The following SETD1A variants were observed in gnomAD, a reference collection of about 807,000 sequenced individuals.
The protein encoded by SETD1A is histone-lysine N-methyltransferase SETD1A.
Under a neutral mutation model 149.9 loss-of-function variants are expected in SETD1A, and 29 were observed. That is an observed-to-expected ratio of 0.19 (90% CI 0.14 to 0.26). The LOEUF is 0.26. SETD1A is among the 10% of genes least tolerant of loss of function. The pLI is 1.00. For missense variants in SETD1A, 2,109 were observed against 2,353.1 expected, an observed-to-expected ratio of 0.90 and a Z score of 2.15; for synonymous variants, 1,141 against 968.5, an observed-to-expected ratio of 1.18 and a Z score of -3.31.
rs766517510 is a variant in SETD1A at position 30,983,776 on chromosome 16, C to T, written c.4950+4C>T. Reference sequence around the variant, plus strand: ...ATTCATCAACCACTGCTGCACGGTGCGCCAGGGGCCAGCCGGGGCAGGAGT... The same window carrying T: ...ATTCATCAACCACTGCTGCACGGTGTGCCAGGGGCCAGCCGGGGCAGGAGT... On this transcript the variant is annotated splice_donor_region_variant and intron_variant, in intron 18 of 18. Coordinates refer to ENST00000262519, the MANE Select transcript of SETD1A (RefSeq NM_014712.3). This position sits in a 1 kb window ranked among gnomAD's most constrained non-coding sequence, Gnocchi z 6.8. The T allele has an allele frequency of 1.4e-5, 22 of 1,613,554 alleles. No individual in the cohort carries two copies. Among genetic ancestry groups the T allele is most frequent in the East Asian group, 1.3e-4 (6 of 44,896 alleles).
intron 16 of SETD1A, 56 bp from the exon 17 acceptor site, chr16:30,981,005 T>C: frequency 1.2e-6 from 2 of 1,606,092 alleles, no homozygotes; most frequent in Non-Finnish European, 1.7e-6. Context: ...GTGGGAAGAG[T>C]GAGGGTCTGG....
rs538172727 is a variant in SETD1A at position 30,981,435 on chromosome 16, T to G, written c.4812+255T>G. The stretch of plus-strand genomic sequence containing the variant: ...CTGTTGCCAGGCTGTAGTGCAGTGG[T>G]GCGATCTTGGCACACTGCAACCTCT... On this transcript the variant is annotated intron_variant, in intron 17 of 18. Transcript: ENST00000262519. 3.3e-5 allele frequency among the ~76,000 whole-genome samples: 5 copies of G among 152,238 alleles called. No individual in the cohort carries two copies. In the South Asian group the frequency reaches 1.0e-3, roughly 32 times the overall value.
chr16:30,974,336 C>T (rs528334275), intron 13 of SETD1A, among the ~76,000 whole-genome samples: 1 of 151,992 alleles, frequency 6.6e-6, no homozygotes, highest in Non-Finnish European at 1.5e-5. Flanking sequence ...GATATGAGGT[C>T]GGTGCTTAGG....
chr16:30,975,135 A>C (rs1250214201), intron 13 of SETD1A, among the ~76,000 whole-genome samples: 1 of 151,046 alleles, frequency 6.6e-6, no homozygotes, highest in Non-Finnish European at 1.5e-5. Context: ...TGACAGAGCG[A>C]GACTGTCTCC....
chr16:30,960,986 G>A lies in SETD1A; in HGVS notation c.247-281G>A, dbSNP rs1596670318. Among the ~76,000 whole-genome samples, 3 of 151,690 alleles carry A rather than the reference G, an allele frequency of 2.0e-5. 1 individual carries two copies. Among genetic ancestry groups the A allele is most frequent in the Admixed American group, 2.0e-4 (3 of 15,220 alleles). On this transcript the variant is annotated intron_variant, in intron 3 of 18. Transcript: ENST00000262519. ...TTGAACTCCTGACTTCTGGTGATCC[G>A]TCCACCTCATCCTCCCAAAGTGTTG...
rs771732511 is a variant in SETD1A, at chr16:30,983,721, C to T, written c.4899C>T (p.Ile1633=). 7 of 1,614,132 alleles carry T rather than the reference C, an allele frequency of 4.3e-6. No individual in the cohort carries two copies. Among genetic ancestry groups the T allele is most frequent in the East Asian group, 4.5e-5 (2 of 44,878 alleles). Residue 1633 remains isoleucine (I), a synonymous_variant, in exon 18 of 19, where the codon ATC becomes ATT. Transcript: ENST00000262519. This position sits in a 1 kb window ranked among gnomAD's most constrained non-coding sequence, Gnocchi z 6.8. ...TCCGGGTGGACCACGACACCATCAT[C>T]GATGCCACCAAGTGTGGCAACCTGG... ...YLFRVDHDTI[I]DATKCGNLAR... is the part of the protein sequence containing the mutation.
intron 10 of SETD1A, 139 bp from the exon 11 acceptor site, chr16:30,969,166 T>C: frequency 1.2e-6 from 1 of 864,078 alleles, no homozygotes; most frequent in South Asian, 1.8e-5. Flanking sequence ...TTTGAGTTCC[T>C]CTGGTGAGCT....
chr16:30,981,221 A>G (rs1015103090), intron 17 of SETD1A, 41 bp downstream of exon 17: 15 of 1,610,840 alleles, frequency 9.3e-6, no homozygotes, highest in Admixed American at 1.7e-5. Flanking sequence ...TTCTGATGCA[A>G]CAAGACAGCA....
rs537717123 is a variant in SETD1A at position 30,966,129 on chromosome 16, C to G, written c.2248C>G (p.Leu750Val). 19 of 1,602,916 alleles carry G rather than the reference C, an allele frequency of 1.2e-5. No individual in the cohort carries two copies. The Admixed American group carries it at 1.5e-4, about 13-fold the overall frequency. The stretch of plus-strand genomic sequence containing the variant: ...GGCATACTCACGGGAGGCCTACCAC[C>G]TGCCCATGCCAATGGCAGCCGAGCC... ...RGAYSREAYHLPMPMAAEPLP... is the reference protein window; with the variant it reads ...RGAYSREAYHVPMPMAAEPLP... Residue 750 changes from leucine to valine, a missense_variant, in exon 8 of 19, where the codon CTG (leucine) becomes GTG (valine). By Grantham distance (32) the Leu-to-Val change is conservative. Transcript: ENST00000262519.
At position 30,980,514 on chromosome 16, in the gene SETD1A, C is replaced by A; in HGVS notation, c.4438C>A (p.Arg1480=). ...ITNLTTPKRK[R]RPQDGPREHQ... ...CAACCTGACCACCCCAAAACGCAAG[C>A]GGCGGCCCCAGGATGGGCCCCGGGA... The change falls in exon 15 of 19, where the codon CGG becomes AGG. Residue 1480 remains arginine (R), a synonymous_variant. Transcript: ENST00000262519. The surrounding 1 kb of genome is among the most constrained non-coding windows in gnomAD (Gnocchi z 7.7). The A allele has an allele frequency of 6.2e-7, 1 of 1,613,970 alleles. No individual in the cohort carries two copies. Among genetic ancestry groups the A allele is most frequent in the Non-Finnish European group, 8.5e-7 (1 of 1,179,934 alleles).
At position 30,967,017 on chromosome 16, in the gene SETD1A, T is replaced by A. The variant is rs1356666350; in HGVS notation, c.2639T>A (p.Phe880Tyr). ...ACTACGGGCATCGAGGCTTTCGCCT[T>A]TGGGTCAGGGCTGAGAGGGGCCCTG... ...GGTTGIEAFA[F>Y]GSGLRGALRL... is the part of the protein sequence containing the mutation. The change falls in exon 9 of 19, where the codon TTT becomes TAT. Residue 880 changes from phenylalanine to tyrosine, a missense_variant. Transcript: ENST00000262519. 1 of 1,600,922 alleles carries A rather than the reference T, an allele frequency of 6.2e-7. No homozygotes were observed. The highest frequency in any genetic ancestry group is 1.3e-5 in the African/African-American group (1 of 74,918).
intron 3 of SETD1A, among the ~76,000 whole-genome samples, chr16:30,960,213 C>T (rs1385840113): frequency 2.0e-5 from 3 of 152,168 alleles, no homozygotes; most frequent in Non-Finnish European, 2.9e-5. Flanking sequence ...GTCTCTTTGG[C>T]TTCACTACGC....
At chr16:30,970,602 C>CT (rs2056212880) in intron 12 of SETD1A, among the ~76,000 whole-genome samples, 1 of 152,122 alleles carries the variant, frequency 6.6e-6, no homozygotes, top group Admixed American at 6.6e-5. Flanking sequence ...CCCTGTCTCT[C>CT]TTTCTGTCCT....
At chr16:30,968,145 C>T (rs767486644) in intron 10 of SETD1A, among the ~76,000 whole-genome samples, 2 of 152,198 alleles carry the variant, frequency 1.3e-5, no homozygotes, top group Non-Finnish European at 2.9e-5. Flanking sequence ...TGGCTCCTGA[C>T]TGTAATCCCA....
chr16:30,972,349 A>G (rs1157838244), intron 13 of SETD1A, among the ~76,000 whole-genome samples: 2 of 152,214 alleles, frequency 1.3e-5, no homozygotes, highest in East Asian at 1.9e-4. Flanking sequence ...TAAGAAATAC[A>G]TAGGAGGCCG....
rs1025467774 is a variant in SETD1A, at chr16:30,984,105, C to G, written c.*82C>G. ...CCAGCACCCCCCCAGCCTTAGTGGG[C>G]TCAGCAGGGCCCACATGCCCCCATC... On this transcript the variant is annotated 3_prime_UTR_variant, in exon 19 of 19. Transcript: ENST00000262519. 2 of 1,312,668 alleles carry G rather than the reference C, an allele frequency of 1.5e-6. No individual in the cohort carries two copies. Among genetic ancestry groups the G allele is most frequent in the Admixed American group, 4.9e-5 (2 of 41,232 alleles). The allele number at this position is 1,312,668 out of a possible 1,614,324, so 81.3% of individuals were successfully genotyped here. A position where few individuals can be genotyped will look rare whatever the true frequency, so the allele number is the denominator to read the frequency against.
In SETD1A at chr16:30,966,245, A is replaced by G. The variant is rs747576941; in HGVS notation, c.2364A>G (p.Ala788=). ...ELAEGKTLPT[A]GTVGRVLAML... ...CAGAGGGCAAGACCCTCCCGACAGCAGGCACCGTGGGCCGTGTGCTCGCCA... is the reference window on the plus strand; with the variant it reads ...CAGAGGGCAAGACCCTCCCGACAGCGGGCACCGTGGGCCGTGTGCTCGCCA... Residue 788 remains alanine, a synonymous_variant, in exon 8 of 19, where the codon GCA becomes GCG. Transcript: ENST00000262519. The G allele has an allele frequency of 2.5e-6, 4 of 1,613,732 alleles. No homozygotes were observed. Among genetic ancestry groups the G allele is most frequent in the Non-Finnish European group, 3.4e-6 (4 of 1,180,006 alleles).
intron 3 of SETD1A, among the ~76,000 whole-genome samples, 164 bp downstream of exon 3, chr16:30,959,350 A>G (rs1434288958): frequency 1.3e-5 from 2 of 152,182 alleles, no homozygotes; most frequent in African/African-American, 2.4e-5. Flanking sequence ...GGTACACTTA[A>G]TCTTCCAGAA....
chr16:30,963,541 C>T lies in SETD1A; in HGVS notation c.626C>T (p.Ala209Val). ...ALSEKFQGSG[A>V]ATETAESRRR... is the part of the protein sequence containing the mutation. ...AGTGAGAAGTTCCAAGGCTCGGGTG[C>T]AGCCACTGAGACGGTGAGAAGTTTG... Residue 209 changes from alanine to valine, a missense_variant, in exon 5 of 19, where the codon GCA (alanine) becomes GTA (valine). This residue lies in a region of SETD1A where 410 missense variants were observed against 394.8 expected (regional missense o/e 1.04). Coordinates refer to ENST00000262519, the MANE Select transcript of SETD1A (RefSeq NM_014712.3). 1 of 1,612,528 alleles carries T rather than the reference C, an allele frequency of 6.2e-7. No individual in the cohort carries two copies. Among genetic ancestry groups the T allele is most frequent in the Non-Finnish European group, 8.5e-7 (1 of 1,179,240 alleles).
Sources: allele counts gnomAD v4.1 joint callset (sites outside exome capture counted in the v4.1 genomes callset), GRCh38; gene constraint gnomAD v4.1.1; regional missense constraint gnomAD v4.1.1; non-coding constraint Gnocchi (gnomAD v3.1); transcripts MANE v1.5; gene names NCBI Gene and HGNC (gene_info 2026-07-23, HGNC 2026-07-21).